The following DNAJA3 variants were observed in gnomAD, a reference collection of about 807,000 sequenced individuals.
DNAJA3 encodes the protein DnaJ heat shock protein family (Hsp40) member A3, also known as dnaJ homolog subfamily A member 3, mitochondrial.
DNAJA3 carries 29 observed loss-of-function variants against 54.9 expected under a neutral mutation model. The ratio of observed to expected loss-of-function variants is 0.53; its 90% confidence interval spans 0.39 to 0.72. The LOEUF (loss-of-function observed/expected upper bound fraction) is 0.72, where lower values mean the gene tolerates loss of function less well. DNAJA3 is among the 30% of genes least tolerant of loss of function. The probability of loss-of-function intolerance (pLI) is 0.00; values close to 1 mark genes in which losing one functional copy is unlikely to be tolerated. For missense variants in DNAJA3, 708 were observed against 639.4 expected, an observed-to-expected ratio of 1.11 and a Z score of -1.16; for synonymous variants, 302 against 251.4, an observed-to-expected ratio of 1.20 and a Z score of -1.90.
At chr16:4,432,746 G>C (rs1272945845) in intron 1 of DNAJA3, among the ~76,000 whole-genome samples, 1 of 152,152 alleles carries the variant, frequency 6.6e-6, no homozygotes, top group Non-Finnish European at 1.5e-5. Context: ...TGAGGCAGGA[G>C]AGTCGCTTGA....
At chr16:4,448,353 G>A (rs868528749) in intron 8 of DNAJA3, among the ~76,000 whole-genome samples, 72 of 149,744 alleles carry the variant, frequency 4.8e-4, no homozygotes, top group African/African-American at 1.7e-3. Context: ...CTCCACCACC[G>A]CTCTGCCGAG....
At chr16:4,434,882 CTTTCTTTTTTTT>C (rs1313070912) in intron 2 of DNAJA3, among the ~76,000 whole-genome samples, 3 of 123,442 alleles carry the variant, frequency 2.4e-5, no homozygotes, top group African/African-American at 9.7e-5. Context: ...ACTTCCTTTC[CTTTCTTTTTTTT>C]TTTTTTTTTT....
chr16:4,426,859 G>C (rs1347631280), intron 1 of DNAJA3: 2 of 152,140 alleles, frequency 1.3e-5, no homozygotes, highest in African/African-American at 2.4e-5. Context: ...ATCATTGCCT[G>C]AGATGACACT....
At chr16:4,427,783 C>G (rs1415961511) in intron 1 of DNAJA3, among the ~76,000 whole-genome samples, 4 of 152,214 alleles carry the variant, frequency 2.6e-5, no homozygotes, top group African/African-American at 7.2e-5. Context: ...ATCCTCCATC[C>G]TCAGCCTCCT....
intron 2 of DNAJA3, among the ~76,000 whole-genome samples, chr16:4,436,541 T>G (rs900160403): frequency 3.3e-5 from 5 of 152,178 alleles, no homozygotes; most frequent in African/African-American, 1.2e-4. Flanking sequence ...TTTTTAAAAA[T>G]TTTTTCTTTT....
intron 7 of DNAJA3, among the ~76,000 whole-genome samples, chr16:4,446,637 G>GGC (rs1395433514): frequency 2.6e-5 from 4 of 152,188 alleles, no homozygotes; most frequent in Non-Finnish European, 4.4e-5. Context: ...AGGAAATCCA[G>GGC]GCACGCTTCC....
At position 4,446,972 on chromosome 16, in the gene DNAJA3, T is replaced by C. The variant is rs2304633; in HGVS notation, c.1083T>C (p.Gly361=). The C allele has an allele frequency of 1.9e-6, 3 of 1,613,896 alleles. No individual in the cohort carries two copies. Among genetic ancestry groups the C allele is most frequent in the South Asian group, 2.2e-5 (2 of 91,076 alleles). ...CTATAGCTCAGGCTCTTCTTGGGGGTACAGCCAGAGCCCAGGGCCTGTACG... is the reference window on the plus strand; with the variant it reads ...CTATAGCTCAGGCTCTTCTTGGGGGCACAGCCAGAGCCCAGGGCCTGTACG... ...FISIAQALLG[G]TARAQGLYET... The change falls in exon 8 of 12, where the codon GGT becomes GGC. Residue 361 remains glycine, a synonymous_variant. Coordinates refer to ENST00000262375, the MANE Select transcript of DNAJA3 (RefSeq NM_005147.6).
intron 3 of DNAJA3, 127 bp downstream of exon 3, chr16:4,437,612 G>C: frequency 1.5e-6 from 1 of 679,866 alleles, no homozygotes; most frequent in Admixed American, 3.0e-5. Context: ...CCTGCGCCAA[G>C]TAATCTTGTT....
intron 8 of DNAJA3, chr16:4,447,690 T>G (rs1242026427): frequency 6.5e-6 from 1 of 152,800 alleles, no homozygotes; most frequent in Non-Finnish European, 1.5e-5. Flanking sequence ...TCCTGCTTCC[T>G]GGGCTCACTT....
At chr16:4,429,535 TA>T (rs1489545788) in intron 1 of DNAJA3, among the ~76,000 whole-genome samples, 1 of 151,780 alleles carries the variant, frequency 6.6e-6, no homozygotes, top group East Asian at 2.0e-4. Flanking sequence ...AAAAGATTTT[TA>T]AAAATTAGCT....
chr16:4,440,962 A>T (rs1241756941), intron 3 of DNAJA3: 1 of 192,370 alleles, frequency 5.2e-6, no homozygotes, highest in Non-Finnish European at 1.1e-5. Context: ...TACTTCTGTT[A>T]CTCCGGTTGT....
intron 2 of DNAJA3, 123 bp from the exon 3 acceptor site, chr16:4,437,279 A>C: frequency 1.2e-6 from 1 of 846,696 alleles, no homozygotes; most frequent in Admixed American, 2.3e-5. Flanking sequence ...CCGAGAGACA[A>C]CTTTTATAAA....
At chr16:4,433,493 TC>T (rs1423216995) in intron 1 of DNAJA3, 1 of 152,242 alleles carries the variant, frequency 6.6e-6, no homozygotes, top group Non-Finnish European at 1.5e-5. Flanking sequence ...GGTGGAGACC[TC>T]CTGAGTTTCT....
chr16:4,432,336 TTTTTTTTTTTC>T (rs200515995), intron 1 of DNAJA3, among the ~76,000 whole-genome samples: 44 of 73,114 alleles, frequency 6.0e-4, no homozygotes, highest in Admixed American at 6.2e-4. Context: ...TTTTTCTTTC[TTTTTTTTTTTC>T]TTTTTTTTTT....
intron 2 of DNAJA3, among the ~76,000 whole-genome samples, chr16:4,435,411 C>CT (rs202147362): frequency 0.018 from 2,678 of 152,210 alleles, 50 homozygotes; most frequent in Non-Finnish European, 0.027. Context: ...AGTTGTGCAC[C>CT]TGTCACCACA....
Position 4,426,110 on chromosome 16 carries a change from C to T in DNAJA3, c.211+18C>T, listed in dbSNP as rs1338121514. ...CCTTACAGGTGAGGGCAGGTTCCAA[C>T]TTCCGAGTGGCGGTTTCAGGGCCTA... On this transcript the variant is annotated intron_variant, in intron 1 of 11. Transcript: ENST00000262375. 1.3e-6 allele frequency: 2 copies of T among 1,544,090 alleles called. No individual in the cohort carries two copies. The highest frequency in any genetic ancestry group is 1.9e-5 in the Admixed American group (1 of 52,686).
At chr16:4,440,995 G>C in intron 3 of DNAJA3, 1 of 217,462 alleles carries the variant, frequency 4.6e-6, no homozygotes, top group Non-Finnish European at 9.2e-6. Flanking sequence ...AAAACCTTTC[G>C]ATGAAGGTAA....
chr16:4,441,033 G>T (rs2056830561), intron 3 of DNAJA3: 5 of 338,876 alleles, frequency 1.5e-5, no homozygotes, highest in Non-Finnish European at 2.7e-5. Flanking sequence ...TCTCTACGAG[G>T]TAATGTCCCC....
At chr16:4,438,972 GATAAC>G (rs2056807056) in intron 3 of DNAJA3, among the ~76,000 whole-genome samples, 2 of 151,560 alleles carry the variant, frequency 1.3e-5, no homozygotes, top group Admixed American at 1.3e-4. Context: ...CAAACTAATT[GATAAC>G]ATAACTAAAC....
Sources: allele counts gnomAD v4.1 joint callset (sites outside exome capture counted in the v4.1 genomes callset), GRCh38; gene constraint gnomAD v4.1.1; transcripts MANE v1.5; gene names NCBI Gene and HGNC (gene_info 2026-07-23, HGNC 2026-07-21).